The following ZDHHC7 variants were observed in gnomAD, a reference collection of about 807,000 sequenced individuals.
ZDHHC7 encodes zDHHC palmitoyltransferase 7.
In ZDHHC7, 12 loss-of-function variants were observed where a neutral mutation model predicts 34.1. The observed-to-expected ratio is 0.35, with a 90% CI of 0.23 to 0.57. The LOEUF is 0.57. ZDHHC7 is among the 20% of genes least tolerant of loss of function. The pLI is 0.84. For synonymous variants in ZDHHC7, 185 were observed against 155.4 expected (o/e 1.19, Z -1.42); for missense variants, 388 against 402.7 (o/e 0.96, Z 0.31).
intron 1 of ZDHHC7, among the ~76,000 whole-genome samples, chr16:84,998,042 C>G (rs1275326966): frequency 6.7e-6 from 1 of 150,084 alleles, no homozygotes; most frequent in African/African-American, 2.5e-5. Context: ...GGGCGGATCA[C>G]GAGATCAGGA....
At chr16:84,997,895 TAAAAAAA>T (rs751166134) in intron 1 of ZDHHC7, among the ~76,000 whole-genome samples, 5 of 64,434 alleles carry the variant, frequency 7.8e-5, no homozygotes, top group South Asian at 5.6e-4. Context: ...AGACTCCGTC[TAAAAAAA>T]AAAAAAAAAA....
At chr16:85,025,866 G>A in the ZDHHC7 span, among the ~76,000 whole-genome samples, 5 of 152,322 alleles carry the variant, frequency 3.3e-5, no homozygotes, top group East Asian at 1.9e-4. Context: ...AACCTAGTGT[G>A]ACTTGGTCTT....
the ZDHHC7 span, among the ~76,000 whole-genome samples, chr16:85,021,581 G>C: frequency 6.6e-6 from 1 of 151,852 alleles, no homozygotes; most frequent in African/African-American, 2.4e-5. Context: ...AGCTGGGCAT[G>C]GTGGCATGCA....
At chr16:85,011,844 A>G (rs1473892089), upstream of ZDHHC7, among the ~76,000 whole-genome samples, 1 of 152,202 alleles carries the variant, frequency 6.6e-6, no homozygotes, top group African/African-American at 2.4e-5. Context: ...TCTCAGAGGC[A>G]GCTCCAGTGG....
At position 84,977,109 on chromosome 16, in the gene ZDHHC7, A is replaced by T. The variant is rs1368935170; in HGVS notation, c.736T>A (p.Cys246Ser). The change falls in exon 7 of 8, where the codon TGC becomes AGC. Residue 246 changes from cysteine (C) to serine (S), a missense_variant. Coordinates refer to ENST00000313732, the MANE Select transcript of ZDHHC7 (RefSeq NM_017740.3). ...VMFGTQIHSI[C>S]NDETEIERLK... ...ACAAAGCTTACCGTCTCGTCGTTGC[A>T]TATGGAGTGGATTTGGGTGCCAAAC... is the stretch of plus-strand genomic sequence containing the variant. The T allele has an allele frequency of 1.2e-6, 2 of 1,614,218 alleles. No individual in the cohort carries two copies.
At chr16:85,020,748 C>T in the ZDHHC7 span, among the ~76,000 whole-genome samples, 1 of 152,032 alleles carries the variant, frequency 6.6e-6, no homozygotes, top group African/African-American at 2.4e-5. Context: ...AGGTGAAGGA[C>T]GCTGGCATAT....
upstream of ZDHHC7, among the ~76,000 whole-genome samples, chr16:85,011,786 G>C (rs993943677): frequency 1.3e-5 from 2 of 152,374 alleles, no homozygotes; most frequent in East Asian, 3.9e-4. Flanking sequence ...CTGCGGAACC[G>C]GGTTGGGAAT....
At chr16:84,979,952 T>C (rs1269172073) in intron 4 of ZDHHC7, among the ~76,000 whole-genome samples, 6 of 31,286 alleles carry the variant, frequency 1.9e-4, no homozygotes, top group African/African-American at 4.4e-4. Context: ...GCGTCACCTT[T>C]TTTTTTTTTT....
chr16:84,986,139 G>C (rs1208021867), intron 3 of ZDHHC7, among the ~76,000 whole-genome samples: 1 of 152,176 alleles, frequency 6.6e-6, no homozygotes, highest in Non-Finnish European at 1.5e-5. Flanking sequence ...ATTTAGGCGG[G>C]TTATCTGGGG....
At chr16:85,012,942 C>G (rs1192672860), upstream of ZDHHC7, among the ~76,000 whole-genome samples, 1 of 151,900 alleles carries the variant, frequency 6.6e-6, no homozygotes, top group East Asian at 1.9e-4. Context: ...AATATATCAC[C>G]GCAAAATATG....
At chr16:85,005,602 CCAGAGCACT>C (rs1271109145) in intron 1 of ZDHHC7, among the ~76,000 whole-genome samples, 1 of 152,174 alleles carries the variant, frequency 6.6e-6, no homozygotes, top group Non-Finnish European at 1.5e-5. Context: ...ACACTGGCTT[CCAGAGCACT>C]CAGTTTAAGA....
intron 2 of ZDHHC7, among the ~76,000 whole-genome samples, chr16:84,993,263 G>A (rs1278513305): frequency 6.6e-6 from 1 of 152,152 alleles, no homozygotes; most frequent in Non-Finnish European, 1.5e-5. Context: ...GGAGGCTGCA[G>A]TGAGCCATGA....
At chr16:85,006,158 A>G (rs1285689997) in intron 1 of ZDHHC7, among the ~76,000 whole-genome samples, 1 of 152,120 alleles carries the variant, frequency 6.6e-6, no homozygotes, top group Admixed American at 6.6e-5. Context: ...GAGTTAAAAG[A>G]CCAGCCTGGG....
In ZDHHC7 at chr16:84,976,374, G is replaced by C; in HGVS notation, c.896C>G (p.Pro299Arg). Residue 299 changes from proline to arginine, a missense_variant, in exon 8 of 8, where the codon CCC becomes CGC. Coordinates refer to ENST00000313732, the MANE Select transcript of ZDHHC7 (RefSeq NM_017740.3). ...TGAGAACTCCGGGCCACCTTTTCTG[G>C]GTCTCGTGGGCAGTCGCCTAAATCG... The part of the protein sequence containing the change: ...GFRFRRLPTR[P>R]RKGGPEFSV The C allele has an allele frequency of 6.2e-7, 1 of 1,613,990 alleles. No individual in the cohort carries two copies.
intron 2 of ZDHHC7, among the ~76,000 whole-genome samples, chr16:84,994,325 GTTA>G (rs1253360045): frequency 6.6e-6 from 1 of 152,198 alleles, no homozygotes; most frequent in Non-Finnish European, 1.5e-5. Flanking sequence ...TTGGTGAATC[GTTA>G]TCTGTGGGCC....
At chr16:84,984,232 G>A (rs1209306227) in intron 3 of ZDHHC7, among the ~76,000 whole-genome samples, 1 of 151,990 alleles carries the variant, frequency 6.6e-6, no homozygotes, top group Non-Finnish European at 1.5e-5. Context: ...TGTTGGCCAG[G>A]CTGGTCTCGA....
At chr16:84,998,579 T>C (rs1317910175) in intron 1 of ZDHHC7, among the ~76,000 whole-genome samples, 2 of 152,038 alleles carry the variant, frequency 1.3e-5, no homozygotes, top group Admixed American at 6.6e-5. Flanking sequence ...CCCGCCCTAG[T>C]GTGCCAAGCC....
At chr16:85,004,384 T>A (rs929323203) in intron 1 of ZDHHC7, among the ~76,000 whole-genome samples, 1 of 152,052 alleles carries the variant, frequency 6.6e-6, no homozygotes, top group Non-Finnish European at 1.5e-5. Context: ...TGACCAGTCC[T>A]CTCTCTACTC....
intron 1 of ZDHHC7, among the ~76,000 whole-genome samples, chr16:85,008,008 A>G (rs76742952): frequency 0.17 from 26,119 of 151,934 alleles, 3,214 homozygotes; most frequent in East Asian, 0.33. Context: ...CCTGTTAACC[A>G]GGAGGCTGAG....
Sources: gnomAD v4.1 joint callset for allele counts (sites outside exome capture counted in the v4.1 genomes callset) on GRCh38, gnomAD v4.1.1 for gene constraint, MANE v1.5 for transcripts, NCBI Gene and HGNC (gene_info 2026-07-23, HGNC 2026-07-21) for gene names.